CCZ1B: variants seen among roughly 807,000 people sequenced by gnomAD.
CCZ1B encodes vacuolar fusion protein CCZ1 homolog B.
In CCZ1B, 25 loss-of-function variants were observed where a neutral mutation model predicts 58.8. The observed-to-expected ratio is 0.43, with a 90% confidence interval of 0.31 to 0.59. The LOEUF is 0.59. Among genes scored for constraint, CCZ1B ranks in the 20% least tolerant of loss-of-function variants. The pLI, the probability that CCZ1B is intolerant of heterozygous loss-of-function variation, is 0.12. For synonymous variants in CCZ1B, 66 were observed against 173.2 expected (o/e 0.38, Z 4.86); for missense variants, 180 against 501.5 (o/e 0.36, Z 6.12).
intron 10 of CCZ1B, among the ~76,000 whole-genome samples, chr7:6,810,572 C>G (rs1255098472): frequency 1.4e-5 from 2 of 148,022 alleles, no homozygotes; most frequent in African/African-American, 2.6e-5. Context: ...CCTGCCTCAG[C>G]CTCCTGAGTA....
intron 8 of CCZ1B, among the ~76,000 whole-genome samples, chr7:6,813,312 G>A (rs1782946712): frequency 6.7e-6 from 1 of 149,192 alleles, no homozygotes; most frequent in Non-Finnish European, 1.5e-5. Flanking sequence ...TTGGCCAGGT[G>A]AGGTGGCTCA....
In CCZ1B at chr7:6,810,384, T is replaced by C. The variant is rs532778905; in HGVS notation, c.954+1568A>G. Among the ~76,000 whole-genome samples, 163 of 149,602 alleles carry C rather than the reference T, an allele frequency of 1.1e-3. 17 individuals are homozygous for C. Among genetic ancestry groups the C allele is most frequent in the African/African-American group, 4.1e-3 (161 of 39,688 alleles). On this transcript the variant is annotated intron_variant, in intron 10 of 14. Transcript: ENST00000316731. ...AAAGAACTCTATGCTCAAATTCATT[T>C]TCTCTCAGAACTTTGAAAGTCTCTC...
At chr7:6,813,132 C>G in intron 8 of CCZ1B, 95 bp from the exon 9 acceptor site, 1 of 1,181,170 alleles carries the variant, frequency 8.5e-7, no homozygotes, top group South Asian at 1.4e-5. Flanking sequence ...TGGTTCCATG[C>G]CATTTGTCTT....
chr7:6,822,215 G>GACAGTT, intron 6 of CCZ1B, 66 bp downstream of exon 6: 1 of 1,555,930 alleles, frequency 6.4e-7, no homozygotes, highest in Non-Finnish European at 8.6e-7. Flanking sequence ...AAACTTGTCT[G>GACAGTT]TCTATATTTC....
chr7:6,823,515 CTTT>C lies in CCZ1B; in HGVS notation c.391-158_391-156del, dbSNP rs897480782. ...CGTGCTGAAAAAAAGTGTTTGCGTT[CTTT>C]TTTTTTTTTTTTTTTTTTGAGATGG... is the stretch of plus-strand genomic sequence containing the variant. On this transcript the variant is annotated intron_variant, in intron 4 of 14. Transcript: ENST00000316731. 1.9e-3 allele frequency among the ~76,000 whole-genome samples: 203 copies of C among 104,874 alleles called. 4 individuals carry two copies. In the South Asian group the frequency reaches 0.027, roughly 14 times the overall value. The allele number at this position is 104,874 out of a possible 152,430, so 68.8% of individuals were successfully genotyped here. A position where few individuals can be genotyped will look rare whatever the true frequency, so the allele number is the denominator to read the frequency against.
chr7:6,816,904 G>T (rs1412134661), intron 7 of CCZ1B, among the ~76,000 whole-genome samples: 2 of 150,136 alleles, frequency 1.3e-5, no homozygotes, highest in Non-Finnish European at 3.0e-5. Context: ...GACTCTAAGT[G>T]CACACCACAA....
chr7:6,821,031 T>C (rs1562432428), intron 6 of CCZ1B, among the ~76,000 whole-genome samples: 1 of 147,836 alleles, frequency 6.8e-6, no homozygotes, highest in Admixed American at 6.7e-5. Context: ...CCCCCCGAGA[T>C]GGAGTCTTGG....
At chr7:6,821,477 G>A (rs1384627470) in intron 6 of CCZ1B, among the ~76,000 whole-genome samples, 65 of 152,418 alleles carry the variant, frequency 4.3e-4, no homozygotes, top group Non-Finnish European at 8.8e-4. Context: ...ACAAAGAAAA[G>A]TAATTCAGAG....
In CCZ1B at chr7:6,820,601, C is replaced by A. The variant is rs937860635; in HGVS notation, c.523-660G>T. On this transcript the variant is annotated intron_variant, in intron 6 of 14. Transcript: ENST00000316731. Reference sequence around the variant, plus strand: ...AAAGCGCTGGGAATACAGGCATGAGCCACTGTGCCCAGCTAGCACTTTCAA... The same window carrying A: ...AAAGCGCTGGGAATACAGGCATGAGACACTGTGCCCAGCTAGCACTTTCAA... Among the ~76,000 whole-genome samples the A allele has an allele frequency of 1.3e-5, 2 of 148,710 alleles. 1 individual carries two copies. Among genetic ancestry groups the A allele is most frequent in the African/African-American group, 5.1e-5 (2 of 39,526 alleles).
chr7:6,825,094 T>C (rs1419208351), intron 1 of CCZ1B, among the ~76,000 whole-genome samples: 1 of 150,584 alleles, frequency 6.6e-6, no homozygotes, highest in Admixed American at 6.6e-5. Context: ...GTAATTTTTA[T>C]GAAAACTCAA....
rs1208029494 is a variant in CCZ1B, at chr7:6,822,615, A to G, written c.439-251T>C. Among the ~76,000 whole-genome samples, 9 of 148,824 alleles carry G rather than the reference A, an allele frequency of 6.0e-5. No homozygotes were observed. The East Asian group carries it at 1.7e-3, about 29-fold the overall frequency. On this transcript the variant is annotated intron_variant, in intron 5 of 14. Transcript: ENST00000316731. Reference sequence around the variant, plus strand: ...TTTCAAAAATTTCAACTTACCCTTAAGTTTCAATTTACATACATAATATCA... The same window carrying G: ...TTTCAAAAATTTCAACTTACCCTTAGGTTTCAATTTACATACATAATATCA...
At chr7:6,821,943 T>C (rs1583557479) in intron 6 of CCZ1B, among the ~76,000 whole-genome samples, 1 of 149,596 alleles carries the variant, frequency 6.7e-6, no homozygotes, top group East Asian at 1.9e-4. Context: ...AAGTTTTCCT[T>C]ATCAACTAAT....
rs1782829229 is a variant in CCZ1B, at chr7:6,805,927, CAT to C, written c.988+75_988+76del. 1.3e-5 allele frequency: 20 copies of C among 1,531,264 alleles called. No homozygotes were observed. The South Asian group carries it at 1.6e-4, about 12-fold the overall frequency. 94.9% of individuals were successfully genotyped at this position (1,531,264 alleles called of 1,614,324 possible). A position where few individuals can be genotyped will look rare whatever the true frequency, so the allele number is the denominator to read the frequency against. On this transcript the variant is annotated intron_variant, in intron 11 of 14. Coordinates refer to ENST00000316731, the MANE Select transcript of CCZ1B (RefSeq NM_198097.5). ...CCCCAAACAACCGAAACCCCCAAAA[CAT>C]ATTTATCACTTAAGAATAGGATGCA... is the stretch of plus-strand genomic sequence containing the variant.
intron 6 of CCZ1B, among the ~76,000 whole-genome samples, chr7:6,821,941 C>T: frequency 6.7e-6 from 1 of 149,556 alleles, no homozygotes; most frequent in East Asian, 1.9e-4. Flanking sequence ...TTAAGTTTTC[C>T]TTATCAACTA....
chr7:6,820,183 A>C (rs893466536), intron 6 of CCZ1B, among the ~76,000 whole-genome samples: 1 of 149,218 alleles, frequency 6.7e-6, no homozygotes, highest in African/African-American at 2.5e-5. Flanking sequence ...TTACTGCTTT[A>C]AATTTATTTT....
rs1259191717 is a variant in CCZ1B, at chr7:6,818,125, CTTGT to C, written c.698+1637_698+1640del. On this transcript the variant is annotated intron_variant, in intron 7 of 14. Transcript: ENST00000316731. ...CTGGATTCAAATTTCTTTACAGTAA[CTTGT>C]TTCTCTTCTTAAAATGGAGCTACAA... 1.3e-5 allele frequency among the ~76,000 whole-genome samples: 2 copies of C among 149,896 alleles called. 1 individual carries two copies. The highest frequency in any genetic ancestry group is 5.0e-5 in the African/African-American group (2 of 39,830).
At chr7:6,821,727 A>T (rs1420988008) in intron 6 of CCZ1B, among the ~76,000 whole-genome samples, 10 of 46,690 alleles carry the variant, frequency 2.1e-4, no homozygotes, top group Non-Finnish European at 3.8e-4. Context: ...GTTTCCTTTT[A>T]AAAAAAAAGA....
intron 12 of CCZ1B, among the ~76,000 whole-genome samples, chr7:6,804,467 T>G (rs979239917): frequency 8.4e-6 from 1 of 119,234 alleles, no homozygotes; most frequent in African/African-American, 3.2e-5. Flanking sequence ...CATTTCAGTG[T>G]CTAGAGAGCC....
chr7:6,822,578 G>A, intron 5 of CCZ1B: 1 of 903,760 alleles, frequency 1.1e-6, no homozygotes, highest in Non-Finnish European at 1.5e-6. Context: ...CCACCTAATT[G>A]CTCTAGGCAT....
Sources: gnomAD v4.1 joint callset for allele counts (sites outside exome capture counted in the v4.1 genomes callset) on GRCh38, gnomAD v4.1.1 for gene constraint, MANE v1.5 for transcripts, NCBI Gene and HGNC (gene_info 2026-07-23, HGNC 2026-07-21) for gene names.